DNAJC1: variants seen among roughly 807,000 people sequenced by gnomAD.
DNAJC1 encodes dnaJ homolog subfamily C member 1.
A neutral mutation model predicts 76.6 loss-of-function variants in DNAJC1; 58 were observed. The observed-to-expected ratio is 0.76, with a 90% CI of 0.61 to 0.94. DNAJC1 has a LOEUF of 0.94. Among genes scored for constraint, DNAJC1 ranks in the 40% least tolerant of loss-of-function variants. The pLI is 0.00. For synonymous variants in DNAJC1, 258 were observed against 267.9 expected (o/e 0.96, Z 0.36); for missense variants, 689 against 677.3 (o/e 1.02, Z -0.19).
rs192595137 is a variant in DNAJC1 at position 21,973,765 on chromosome 10, G to T, written c.222+29448C>A. On this transcript the variant is annotated intron_variant, in intron 1 of 11. Transcript: ENST00000376980. ...AAAAAAAAAAGAAAAAAAGAAAAAA[G>T]AAGTGTTAGAAAAGATCTGGAGATG... Among the ~76,000 whole-genome samples the T allele has an allele frequency of 7.2e-5, 11 of 151,954 alleles. No homozygotes were observed. The East Asian group carries it at 2.1e-3, about 29-fold the overall frequency.
chr10:21,872,935 A>G (rs1836126797), intron 8 of DNAJC1, among the ~76,000 whole-genome samples: 1 of 152,234 alleles, frequency 6.6e-6, no homozygotes, highest in Admixed American at 6.5e-5. Flanking sequence ...TGAAATCCAC[A>G]GGCAGACAGC....
At chr10:21,957,412 T>C (rs1446560874) in intron 1 of DNAJC1, among the ~76,000 whole-genome samples, 3 of 152,206 alleles carry the variant, frequency 2.0e-5, no homozygotes, top group Admixed American at 2.0e-4. Context: ...ACATATTATA[T>C]TGTACCTTCC....
At position 21,759,606 on chromosome 10, in the gene DNAJC1, A is replaced by T; in HGVS notation, c.1160T>A (p.Leu387His). ...SVTCSPGMVR[L>H]SELKSTVQNS... is the part of the protein sequence containing the mutation. ...CTGAACTGTCGATTTGAGTTCGGAGAGTCTAACCATTCCTAGGAAAGAGGG... is the reference window on the plus strand; with the variant it reads ...CTGAACTGTCGATTTGAGTTCGGAGTGTCTAACCATTCCTAGGAAAGAGGG... The change falls in exon 11 of 12, where the codon CTC becomes CAC. Residue 387 changes from leucine to histidine, a missense_variant. By Grantham distance (99) the Leu-to-His change is moderately conservative (BLOSUM62 -3). Transcript: ENST00000376980. 6.2e-7 allele frequency: 1 copy of T among 1,613,114 alleles called. No individual in the cohort carries two copies. The highest frequency in any genetic ancestry group is 8.5e-7 in the Non-Finnish European group (1 of 1,179,352).
intron 1 of DNAJC1, among the ~76,000 whole-genome samples, chr10:21,963,258 A>T (rs183588272): frequency 3.3e-5 from 5 of 152,340 alleles, no homozygotes; most frequent in Admixed American, 6.5e-5. Context: ...CGCTCAGTAC[A>T]TAATTTGAAT....
At chr10:21,803,976 TG>T in intron 9 of DNAJC1, 1 of 984,844 alleles carries the variant, frequency 1.0e-6, no homozygotes, top group Non-Finnish European at 1.2e-6. Flanking sequence ...CATTCTGCCT[TG>T]GGTAAGTCTA....
chr10:21,799,173 C>G (rs1834783290), intron 9 of DNAJC1, among the ~76,000 whole-genome samples: 1 of 152,180 alleles, frequency 6.6e-6, no homozygotes, highest in Non-Finnish European at 1.5e-5. Flanking sequence ...ATATTATTCA[C>G]CACTGAAACA....
intron 8 of DNAJC1, among the ~76,000 whole-genome samples, chr10:21,815,695 G>T (rs1160603118): frequency 6.6e-6 from 1 of 151,476 alleles, no homozygotes; most frequent in Admixed American, 6.6e-5. Flanking sequence ...AGTGATTAGA[G>T]TATCCTAAGA....
chr10:21,870,549 G>A (rs939482776), intron 8 of DNAJC1, among the ~76,000 whole-genome samples: 2 of 152,204 alleles, frequency 1.3e-5, no homozygotes, highest in South Asian at 4.1e-4. Flanking sequence ...TGAGATAGGA[G>A]GACTGCTTAA....
At chr10:21,761,513 C>T (rs560325971) in intron 10 of DNAJC1, among the ~76,000 whole-genome samples, 3 of 144,724 alleles carry the variant, frequency 2.1e-5, no homozygotes, top group East Asian at 4.1e-4. Flanking sequence ...GTACTGAGAT[C>T]GTACCACAGC....
intron 9 of DNAJC1, among the ~76,000 whole-genome samples, chr10:21,800,426 C>A (rs1834800633): frequency 6.6e-6 from 1 of 152,152 alleles, no homozygotes. Flanking sequence ...GGAATGCAAT[C>A]TCTAGTTCTA....
intron 8 of DNAJC1, among the ~76,000 whole-genome samples, chr10:21,819,212 C>T (rs1835119172): frequency 6.6e-6 from 1 of 152,102 alleles, no homozygotes; most frequent in African/African-American, 2.4e-5. Flanking sequence ...ACCACCCTGG[C>T]TAACATGGTG....
At chr10:21,967,987 T>C (rs759719849) in intron 1 of DNAJC1, among the ~76,000 whole-genome samples, 2 of 152,230 alleles carry the variant, frequency 1.3e-5, no homozygotes, top group African/African-American at 2.4e-5. Context: ...TCTAAAATAA[T>C]AGATCAGTCA....
chr10:21,914,607 T>A (rs1415471729), intron 6 of DNAJC1, among the ~76,000 whole-genome samples: 2 of 152,176 alleles, frequency 1.3e-5, no homozygotes, highest in Non-Finnish European at 2.9e-5. Context: ...TAATATAAAT[T>A]CCTAAATAGA....
chr10:21,839,434 A>T (rs1354679333), intron 8 of DNAJC1, among the ~76,000 whole-genome samples: 2 of 152,242 alleles, frequency 1.3e-5, no homozygotes, highest in Non-Finnish European at 2.9e-5. Context: ...CACTGATCCC[A>T]CAGAAATACA....
At chr10:21,907,581 T>C (rs188184861) in intron 6 of DNAJC1, among the ~76,000 whole-genome samples, 1 of 152,288 alleles carries the variant, frequency 6.6e-6, no homozygotes, top group East Asian at 1.9e-4. Context: ...AGACTGGGGA[T>C]AACTTCATAA....
intron 7 of DNAJC1, among the ~76,000 whole-genome samples, chr10:21,903,598 T>A (rs761958091): frequency 6.6e-6 from 1 of 152,228 alleles, no homozygotes; most frequent in African/African-American, 2.4e-5. Flanking sequence ...TCTATCCATT[T>A]ACTGAACATT....
intron 1 of DNAJC1, among the ~76,000 whole-genome samples, chr10:21,940,509 T>G (rs1467740230): frequency 2.0e-5 from 3 of 152,178 alleles, no homozygotes; most frequent in Non-Finnish European, 4.4e-5. Context: ...TCAAGGTCAA[T>G]AAGAATGATT....
chr10:21,953,194 T>C (rs1192307322), intron 1 of DNAJC1, among the ~76,000 whole-genome samples: 1 of 152,078 alleles, frequency 6.6e-6, no homozygotes, highest in Non-Finnish European at 1.5e-5. Flanking sequence ...GCAATTGAGT[T>C]GGAGTAATAG....
intron 8 of DNAJC1, among the ~76,000 whole-genome samples, chr10:21,809,124 T>C (rs1192582952): frequency 6.6e-6 from 1 of 152,166 alleles, no homozygotes; most frequent in Non-Finnish European, 1.5e-5. Context: ...AAATCCTCTA[T>C]ATTCTTGGGG....
Sources: gnomAD v4.1 joint callset for allele counts (sites outside exome capture counted in the v4.1 genomes callset) on GRCh38, gnomAD v4.1.1 for gene constraint, MANE v1.5 for transcripts, NCBI Gene and HGNC (gene_info 2026-07-23, HGNC 2026-07-21) for gene names.